Variants in COG4 observed in about 807,000 individuals in gnomAD.
The protein encoded by COG4 is conserved oligomeric Golgi complex subunit 4.
COG4 carries 65 observed loss-of-function variants against 95.1 expected under a neutral mutation model. The observed-to-expected ratio is 0.68, with a 90% CI of 0.56 to 0.84. The LOEUF (loss-of-function observed/expected upper bound fraction) is 0.84. COG4 is among the 40% of genes least tolerant of loss of function. The pLI is 0.00. For missense variants in COG4, 1,045 were observed against 989.1 expected (o/e 1.06, Z -0.76); for synonymous variants, 421 against 374.8 (o/e 1.12, Z -1.42).
Position 70,523,363 on chromosome 16 carries a change from G to C in COG4, c.171+10C>G. The stretch of plus-strand genomic sequence containing the variant: ...ATCCTCCATGAAAAAGAAGAGGCTC[G>C]ACCCCGCACCTCCTCGCCGCAGAGC... On this transcript the variant is annotated intron_variant, in intron 1 of 18. Coordinates refer to ENST00000323786, the MANE Select transcript of COG4 (RefSeq NM_015386.3). The C allele has an allele frequency of 4.3e-6, 7 of 1,613,924 alleles. No individual in the cohort carries two copies. The highest frequency in any genetic ancestry group is 5.9e-6 in the Non-Finnish European group (7 of 1,179,912).
At chr16:70,501,818 AT>A (rs746516643) in intron 8 of COG4, among the ~76,000 whole-genome samples, 17,207 of 136,158 alleles carry the variant, frequency 0.13, 3,181 homozygotes, top group African/African-American at 0.41. Flanking sequence ...CACCTGGCAG[AT>A]TTTTTTTTTT....
Position 70,492,425 on chromosome 16 carries a change from G to A in COG4, c.1648-2033C>T, listed in dbSNP as rs367709101. On this transcript the variant is annotated intron_variant, in intron 12 of 18. Coordinates refer to ENST00000323786, the MANE Select transcript of COG4 (RefSeq NM_015386.3). ...TGTAATCACAGCAGTTTGGGAGGCC[G>A]ATGCGGGCAGATCACCTGAGGTTGG... is the stretch of plus-strand genomic sequence containing the variant. Among the ~76,000 whole-genome samples the A allele has an allele frequency of 9.3e-4, 141 of 152,216 alleles. 1 individual carries two copies. Among genetic ancestry groups the A allele is most frequent in the African/African-American group, 3.0e-3 (125 of 41,536 alleles).
chr16:70,481,234 C>T lies in COG4; in HGVS notation c.2236-90G>A, dbSNP rs186924038. 2.0e-5 allele frequency: 32 copies of T among 1,608,306 alleles called. No individual in the cohort carries two copies. The highest frequency in any genetic ancestry group is 8.0e-5 in the African/African-American group (6 of 74,938). Reference sequence around the variant, plus strand: ...CTACCAGGGGCAGAGCAGGGGCACCCGGGAAGGGGAAGGTGTCCTATAGAG... The same window carrying T: ...CTACCAGGGGCAGAGCAGGGGCACCTGGGAAGGGGAAGGTGTCCTATAGAG... On this transcript the variant is annotated intron_variant, in intron 18 of 18. Transcript: ENST00000323786.
At chr16:70,517,522 G>T in intron 3 of COG4, 104 bp downstream of exon 3, 1 of 710,592 alleles carries the variant, frequency 1.4e-6, no homozygotes, top group Non-Finnish European at 2.4e-6. Context: ...CAGGGAGTTG[G>T]GGCTGTAGTG....
At position 70,483,829 on chromosome 16, in the gene COG4, T is replaced by C. The variant is rs543116084; in HGVS notation, c.1827+24A>G. ...AGCAACACACAGGCACAGGATTCAG[T>C]CAGCAGTTGAACCTGGGGCTTACCT... is the stretch of plus-strand genomic sequence containing the variant. On this transcript the variant is annotated intron_variant, in intron 14 of 18. Coordinates refer to ENST00000323786, the MANE Select transcript of COG4 (RefSeq NM_015386.3). 5.3e-6 allele frequency: 8 copies of C among 1,509,610 alleles called. No homozygotes were observed. In the East Asian group the frequency reaches 1.6e-4, roughly 30 times the overall value. The allele number at this position is 1,509,610 out of a possible 1,614,324, so 93.5% of individuals were successfully genotyped here. A position where few individuals can be genotyped will look rare whatever the true frequency, so the allele number is the denominator to read the frequency against.
At chr16:70,522,532 T>G (rs527493541) in intron 1 of COG4, among the ~76,000 whole-genome samples, 1 of 152,176 alleles carries the variant, frequency 6.6e-6, no homozygotes, top group Non-Finnish European at 1.5e-5. Flanking sequence ...TAGTGCAAGT[T>G]TATACTTGAA....
chr16:70,498,832 G>GT (rs2049392659), intron 9 of COG4, among the ~76,000 whole-genome samples: 2 of 152,206 alleles, frequency 1.3e-5, no homozygotes, highest in South Asian at 4.1e-4. Flanking sequence ...GTCAAAAGAT[G>GT]TAAGTTTCCA....
chr16:70,488,866 T>A (rs2049187824), intron 13 of COG4, among the ~76,000 whole-genome samples: 1 of 152,180 alleles, frequency 6.6e-6, no homozygotes, highest in Non-Finnish European at 1.5e-5. Context: ...ACTGTTATTT[T>A]TAACTGTTAA....
intron 8 of COG4, 115 bp downstream of exon 8, chr16:70,508,291 T>C (rs377547500): frequency 4.1e-4 from 350 of 858,946 alleles, no homozygotes; most frequent in Middle Eastern, 3.9e-3. Flanking sequence ...AAAATAAGAG[T>C]AATTGATAAA....
In COG4 at chr16:70,496,394, C is replaced by T. The variant is rs761333204; in HGVS notation, c.1519G>A (p.Ala507Thr). The change falls in exon 12 of 19, where the codon GCC becomes ACC. Residue 507 changes from alanine (A) to threonine (T), a missense_variant. Physicochemically the swap from Ala to Thr is moderately conservative, Grantham distance 58. Transcript: ENST00000323786. Reference sequence around the variant, plus strand: ...CGCTGGATGTCCTGGAAGGTGGTGGCAGGAAAGCCCATCCGCAGCTTATTA... The same window carrying T: ...CGCTGGATGTCCTGGAAGGTGGTGGTAGGAAAGCCCATCCGCAGCTTATTA... Reference protein sequence around the residue: ...LCNKLRMGFPATTFQDIQRGV... With the variant: ...LCNKLRMGFPTTTFQDIQRGV... 13 of 1,614,012 alleles carry T rather than the reference C, an allele frequency of 8.1e-6. No homozygotes were observed. The Admixed American group carries it at 1.5e-4, about 19-fold the overall frequency.
intron 5 of COG4, among the ~76,000 whole-genome samples, chr16:70,510,541 T>C (rs1412052500): frequency 1.3e-5 from 2 of 151,866 alleles, no homozygotes; most frequent in Non-Finnish European, 2.9e-5. Flanking sequence ...CCCAGACTGG[T>C]CTGGAACTCC....
Position 70,501,156 on chromosome 16 carries a change from G to A in COG4, c.1062-65C>T, listed in dbSNP as rs1421396665. 3.2e-6 allele frequency: 5 copies of A among 1,576,834 alleles called. No individual in the cohort carries two copies. In the Admixed American group the frequency reaches 5.0e-5, roughly 16 times the overall value. The stretch of plus-strand genomic sequence containing the variant: ...TTACCTTAGACACAAGAGCTACAGG[G>A]CAAAGAGAGTCCCAAATTCCCCCTC... On this transcript the variant is annotated intron_variant, in intron 8 of 18. Coordinates refer to ENST00000323786, the MANE Select transcript of COG4 (RefSeq NM_015386.3).
At chr16:70,506,479 C>T (rs2049569594) in intron 8 of COG4, among the ~76,000 whole-genome samples, 1 of 151,004 alleles carries the variant, frequency 6.6e-6, no homozygotes, top group Non-Finnish European at 1.5e-5. Flanking sequence ...ACAGTCCCAG[C>T]TACTTGGGAG....
Position 70,523,210 on chromosome 16 carries a change from G to A in COG4, c.171+163C>T, listed in dbSNP as rs544605574. 25 of 779,834 alleles carry A rather than the reference G, an allele frequency of 3.2e-5. No individual in the cohort carries two copies. The South Asian group carries it at 3.8e-4, about 12-fold the overall frequency. The allele number at this position is 779,834 out of a possible 1,614,324, so 48.3% of individuals were successfully genotyped here. On this transcript the variant is annotated intron_variant, in intron 1 of 18. Transcript: ENST00000323786. Reference sequence around the variant, plus strand: ...CTCGGCGCGTCCGACAGCGTGAAAAGAGTTGACAGGACTACTCATATACCC... The same window carrying A: ...CTCGGCGCGTCCGACAGCGTGAAAAAAGTTGACAGGACTACTCATATACCC...
Position 70,508,478 on chromosome 16 carries a change from C to T in COG4, c.1003-14G>A, listed in dbSNP as rs764891868. ...AACATGCCGGAACTGCAACATACCA[C>T]AGGAATGAGAATATTCTTCCCCACC... On this transcript the variant is annotated splice_polypyrimidine_tract_variant and intron_variant, in intron 7 of 18. Transcript: ENST00000323786. The T allele has an allele frequency of 1.2e-6, 2 of 1,613,066 alleles. No individual in the cohort carries two copies. The highest frequency in any genetic ancestry group is 1.7e-6 in the Non-Finnish European group (2 of 1,179,006).
chr16:70,490,597 C>G (rs777707125), intron 12 of COG4, among the ~76,000 whole-genome samples: 4 of 152,176 alleles, frequency 2.6e-5, no homozygotes, highest in African/African-American at 9.6e-5. Context: ...GCAGGCTCGC[C>G]CTTTCTTCTG....
Position 70,496,290 on chromosome 16 carries a change from A to G in COG4, c.1623T>C (p.Thr541=). ...GKFDTKGIES[T]DEAKMSFLVT... is the part of the protein sequence containing the mutation. ...CCAGGAAGGACATCTTCGCCTCGTC[A>G]GTACTCTCGATGCCTTTTGTGTCAA... The change falls in exon 12 of 19, where the codon ACT becomes ACC. Residue 541 remains threonine, a synonymous_variant. Coordinates refer to ENST00000323786, the MANE Select transcript of COG4 (RefSeq NM_015386.3). 4 of 1,614,208 alleles carry G rather than the reference A, an allele frequency of 2.5e-6. No individual in the cohort carries two copies. Among genetic ancestry groups the G allele is most frequent in the Non-Finnish European group, 3.4e-6 (4 of 1,180,030 alleles).
At chr16:70,492,753 A>G (rs2049270189) in intron 12 of COG4, among the ~76,000 whole-genome samples, 1 of 151,824 alleles carries the variant, frequency 6.6e-6, no homozygotes, top group African/African-American at 2.4e-5. Flanking sequence ...ACCTGAGGTC[A>G]GGAGTTCGAG....
intron 12 of COG4, among the ~76,000 whole-genome samples, chr16:70,493,404 G>A (rs2049283629): frequency 6.6e-6 from 1 of 152,082 alleles, no homozygotes; most frequent in African/African-American, 2.4e-5. Flanking sequence ...AACTCAGGAA[G>A]TGGATTTTTA....
Sources: allele counts gnomAD v4.1 joint callset (sites outside exome capture counted in the v4.1 genomes callset), GRCh38; gene constraint gnomAD v4.1.1; transcripts MANE v1.5; gene names NCBI Gene and HGNC (gene_info 2026-07-23, HGNC 2026-07-21).